Variants in OR4D1 observed in about 807,000 individuals in gnomAD.
OR4D1 encodes olfactory receptor family 4 subfamily D member 1, also known as olfactory receptor 4D1.
In OR4D1, 10 loss-of-function variants were observed where a neutral mutation model predicts 14.2. That is an observed-to-expected ratio of 0.71 (90% CI 0.44 to 1.20). OR4D1 has a LOEUF of 1.20. Ranked by LOEUF, OR4D1 falls within the 50% of genes most tolerant of loss-of-function variation. OR4D1 has a pLI of 0.00. For synonymous variants in OR4D1, 141 were observed against 147.4 expected, an observed-to-expected ratio of 0.96 and a Z score of 0.32; for missense variants, 345 against 376.6, an observed-to-expected ratio of 0.92 and a Z score of 0.70.
In OR4D1 at chr17:58,157,269, A is replaced by G; in HGVS notation, c.*1183A>G. The G allele has an allele frequency of 6.8e-7, 1 of 1,477,506 alleles. No individual in the cohort carries two copies. Among genetic ancestry groups the G allele is most frequent in the Non-Finnish European group, 9.0e-7 (1 of 1,116,970 alleles). 91.5% of individuals were successfully genotyped at this position (1,477,506 alleles called of 1,614,324 possible). A position where few individuals can be genotyped will look rare whatever the true frequency, so the allele number is the denominator to read the frequency against. On this transcript the variant is annotated 3_prime_UTR_variant, in exon 4 of 4. Coordinates refer to ENST00000268912, the MANE Select transcript of OR4D1 (RefSeq NM_001386095.1). ...GGGGCACGGCGCTCGGGAAGCGCAC[A>G]GCCCCGGGCCGCTGATCAAGCCCTT... is the stretch of plus-strand genomic sequence containing the variant.
At position 58,156,614 on chromosome 17, in the gene OR4D1, G is replaced by T; in HGVS notation, c.*528G>T. The T allele has an allele frequency of 6.2e-6, 1 of 162,064 alleles. No individual in the cohort carries two copies. The highest frequency in any genetic ancestry group is 1.3e-5 in the Non-Finnish European group (1 of 74,124). 10.0% of individuals were successfully genotyped at this position (162,064 alleles called of 1,614,324 possible). A position where few individuals can be genotyped will look rare whatever the true frequency, so the allele number is the denominator to read the frequency against. The stretch of plus-strand genomic sequence containing the variant: ...CGACAGTAGATATATTATTATTGTT[G>T]TTAAACAGTTTTACAAATGAGAAAA... On this transcript the variant is annotated 3_prime_UTR_variant, in exon 4 of 4. Transcript: ENST00000268912.
In OR4D1 at chr17:58,155,990, C is replaced by A. The variant is rs1005553547; in HGVS notation, c.837C>A (p.Thr279=). 4 of 1,465,724 alleles carry A rather than the reference C, an allele frequency of 2.7e-6. No individual in the cohort carries two copies. The highest frequency in any genetic ancestry group is 2.0e-5 in the Admixed American group (1 of 50,324). 90.8% of individuals were successfully genotyped at this position (1,465,724 alleles called of 1,614,324 possible). ...TGTCCATCAGCTACACAGTCATGAC[C>A]CCCATGCTCAACCCCATGATCTACA... ...KAVSISYTVM[T]PMLNPMIYTL... Residue 279 remains threonine (T), a synonymous_variant, in exon 4 of 4, where the codon ACC becomes ACA. Transcript: ENST00000268912.
In OR4D1 at chr17:58,155,783, G is replaced by A; in HGVS notation, c.630G>A (p.Trp210Ter). 1.2e-6 allele frequency: 2 copies of A among 1,614,136 alleles called. No individual in the cohort carries two copies. Among genetic ancestry groups the A allele is most frequent in the Non-Finnish European group, 1.7e-6 (2 of 1,180,026 alleles). Reference protein sequence around the residue: ...ISNSGLLVIIWFLLLLISYTV... With the variant: ...ISNSGLLVII ...ACAGTGGGCTGCTAGTTATCATCTG[G>A]TTCCTCCTCCTTCTGATCTCTTATA... Residue 210 changes from tryptophan to a stop codon, truncating the protein, a stop_gained, in exon 4 of 4, where the codon TGG becomes TGA. Coordinates refer to ENST00000268912, the MANE Select transcript of OR4D1 (RefSeq NM_001386095.1). LOFTEE classifies it high-confidence loss of function.
chr17:58,151,700 C>T (rs373251636), intron 2 of OR4D1, among the ~76,000 whole-genome samples: 7 of 152,344 alleles, frequency 4.6e-5, no homozygotes, highest in African/African-American at 1.7e-4. Context: ...TAGAGTTAAA[C>T]ATCCTTTTAG....
intron 3 of OR4D1, among the ~76,000 whole-genome samples, 173 bp from the exon 4 acceptor site, chr17:58,154,962 C>T (rs541614288): frequency 1.3e-5 from 2 of 152,340 alleles, no homozygotes; most frequent in South Asian, 2.1e-4. Flanking sequence ...AAGTAAGTCT[C>T]TGGAACCCTT....
At chr17:58,153,206 C>G (rs747097793) in intron 2 of OR4D1, among the ~76,000 whole-genome samples, 4 of 152,198 alleles carry the variant, frequency 2.6e-5, no homozygotes, top group Non-Finnish European at 5.9e-5. Context: ...GTTGCTGCGA[C>G]AATGCTCCAG....
At position 58,158,760 on chromosome 17, in the gene OR4D1, A is replaced by C. The variant is rs1401748297; in HGVS notation, c.*2674A>C. On this transcript the variant is annotated 3_prime_UTR_variant, in exon 4 of 4. Coordinates refer to ENST00000268912, the MANE Select transcript of OR4D1 (RefSeq NM_001386095.1). ...TCTGCTTAAAAAATGAGTACCTTGTAACCATTACCTGTATGCTAAATATTC... is the reference window on the plus strand; with the variant it reads ...TCTGCTTAAAAAATGAGTACCTTGTCACCATTACCTGTATGCTAAATATTC... 3 of 152,300 alleles carry C rather than the reference A, an allele frequency of 2.0e-5. No individual in the cohort carries two copies. The highest frequency in any genetic ancestry group is 1.3e-4 in the Admixed American group (2 of 15,278). The allele number at this position is 152,300 out of a possible 1,614,324, so 9.4% of individuals were successfully genotyped here. A position where few individuals can be genotyped will look rare whatever the true frequency, so the allele number is the denominator to read the frequency against.
rs552734270 is a variant in OR4D1 at position 58,159,541 on chromosome 17, C to A, written c.*3455C>A. ...TGTTGGAACCTTAATCTTGGACTGT[C>A]CAGCCTCCAGAACTGCAAAAGAATA... On this transcript the variant is annotated 3_prime_UTR_variant, in exon 4 of 4. Transcript: ENST00000268912. 1.1e-4 allele frequency: 17 copies of A among 152,532 alleles called. No individual in the cohort carries two copies. In the South Asian group the frequency reaches 3.4e-3, roughly 31 times the overall value. 9.4% of individuals were successfully genotyped at this position (152,532 alleles called of 1,614,324 possible). A position where few individuals can be genotyped will look rare whatever the true frequency, so the allele number is the denominator to read the frequency against.
rs1597953161 is a variant in OR4D1, at chr17:58,157,113, C to G, written c.*1027C>G. The G allele has an allele frequency of 6.8e-7, 1 of 1,470,874 alleles. No homozygotes were observed. The highest frequency in any genetic ancestry group is 2.5e-5 in the East Asian group (1 of 40,172). The allele number at this position is 1,470,874 out of a possible 1,614,324, so 91.1% of individuals were successfully genotyped here. A position where few individuals can be genotyped will look rare whatever the true frequency, so the allele number is the denominator to read the frequency against. ...CGCCGAGGCGGCCGCGGAGGAGCGC[C>G]GCGTCAAGGTCTCCAGCCTGCCCTA... On this transcript the variant is annotated 3_prime_UTR_variant, in exon 4 of 4. Transcript: ENST00000268912.
intron 2 of OR4D1, among the ~76,000 whole-genome samples, chr17:58,150,878 G>A (rs982639189): frequency 6.6e-6 from 1 of 151,744 alleles, no homozygotes; most frequent in African/African-American, 2.4e-5. Context: ...GTTGTCTTTC[G>A]CCCCGACAGT....
chr17:58,155,742 T>C lies in OR4D1; in HGVS notation c.589T>C (p.Phe197Leu). ...LACTDTSLLE[F>L]LMISNSGLLV... The stretch of plus-strand genomic sequence containing the variant: ...CTGCACTGATACCTCCCTCCTGGAG[T>C]TCCTCATGATCTCCAACAGTGGGCT... Residue 197 changes from phenylalanine (F) to leucine (L), a missense_variant, in exon 4 of 4, where the codon TTC becomes CTC. Physicochemically the swap from Phe to Leu is conservative, Grantham distance 22. Coordinates refer to ENST00000268912, the MANE Select transcript of OR4D1 (RefSeq NM_001386095.1). 1 of 1,613,786 alleles carries C rather than the reference T, an allele frequency of 6.2e-7. No individual in the cohort carries two copies. Among genetic ancestry groups the C allele is most frequent in the Non-Finnish European group, 8.5e-7 (1 of 1,179,710 alleles).
At chr17:58,154,223 G>T (rs144769308) in intron 3 of OR4D1, among the ~76,000 whole-genome samples, 291 of 149,900 alleles carry the variant, frequency 1.9e-3, no homozygotes, top group African/African-American at 6.9e-3. Flanking sequence ...GCTTCCCAAA[G>T]TAGTGGGATT....
rs190985301 is a variant in OR4D1 at position 58,158,845 on chromosome 17, C to G, written c.*2759C>G. Reference sequence around the variant, plus strand: ...TATGCTTTCTCTGTGTGTGTACCTGCTGTATATGCTAAACTTATTAGAAAA... The same window carrying G: ...TATGCTTTCTCTGTGTGTGTACCTGGTGTATATGCTAAACTTATTAGAAAA... On this transcript the variant is annotated 3_prime_UTR_variant, in exon 4 of 4. Transcript: ENST00000268912. The G allele has an allele frequency of 8.5e-5, 13 of 152,524 alleles. No individual in the cohort carries two copies. In the East Asian group the frequency reaches 2.3e-3, roughly 27 times the overall value. The allele number at this position is 152,524 out of a possible 1,614,324, so 9.4% of individuals were successfully genotyped here.
At position 58,155,697 on chromosome 17, in the gene OR4D1, C is replaced by G. The variant is rs1379272052; in HGVS notation, c.544C>G (p.Pro182Ala). 6 of 1,614,154 alleles carry G rather than the reference C, an allele frequency of 3.7e-6. No homozygotes were observed. In the South Asian group the frequency reaches 6.6e-5, roughly 18 times the overall value. ...NILDNFYCDV[P>A]QVLRLACTDT... is the part of the protein sequence containing the mutation. ...CCTAGATAACTTCTACTGTGATGTT[C>G]CCCAAGTACTGAGACTTGCCTGCAC... The change falls in exon 4 of 4, where the codon CCC becomes GCC. Residue 182 changes from proline to alanine, a missense_variant. Pro to Ala is a conservative substitution (Grantham distance 27, BLOSUM62 -1). Transcript: ENST00000268912.
At chr17:58,153,123 A>T (rs2143658478) in intron 2 of OR4D1, among the ~76,000 whole-genome samples, 1 of 152,338 alleles carries the variant, frequency 6.6e-6, no homozygotes, top group South Asian at 2.1e-4. Context: ...CTGCCCACCC[A>T]GTCTAACCTT....
Position 58,157,977 on chromosome 17 carries a change from G to C in OR4D1, c.*1891G>C. The C allele has an allele frequency of 1.8e-6, 1 of 543,460 alleles. No individual in the cohort carries two copies. Among genetic ancestry groups the C allele is most frequent in the East Asian group, 3.0e-5 (1 of 32,978 alleles). The allele number at this position is 543,460 out of a possible 1,614,324, so 33.7% of individuals were successfully genotyped here. ...ACAGCTGAAGTTTGTTCTTTAGGCG[G>C]AGGCACCAAGCCTTGTTTTCTTGGT... On this transcript the variant is annotated 3_prime_UTR_variant, in exon 4 of 4. Coordinates refer to ENST00000268912, the MANE Select transcript of OR4D1 (RefSeq NM_001386095.1).
At position 58,155,331 on chromosome 17, in the gene OR4D1, T is replaced by A. The variant is rs929237261; in HGVS notation, c.178T>A (p.Tyr60Asn). 5.0e-6 allele frequency: 8 copies of A among 1,614,072 alleles called. No individual in the cohort carries two copies. The Admixed American group carries it at 1.0e-4, about 20-fold the overall frequency. Residue 60 changes from tyrosine to asparagine, a missense_variant, in exon 4 of 4, where the codon TAT (tyrosine) becomes AAT (asparagine). Coordinates refer to ENST00000268912, the MANE Select transcript of OR4D1 (RefSeq NM_001386095.1). ...TGACTGCCGGCTCCACACACCCATG[T>A]ATTTTCTGCTCCGAAATCTAGCTCT... Reference protein sequence around the residue: ...TFDCRLHTPMYFLLRNLALID... With the variant: ...TFDCRLHTPMNFLLRNLALID...
rs1445490143 is a variant in OR4D1 at position 58,158,830 on chromosome 17, C to G, written c.*2744C>G. On this transcript the variant is annotated 3_prime_UTR_variant, in exon 4 of 4. Transcript: ENST00000268912. ...AGAAAGAAAAAAAATTATGCTTTCT[C>G]TGTGTGTGTACCTGCTGTATATGCT... 1 of 152,376 alleles carries G rather than the reference C, an allele frequency of 6.6e-6. No homozygotes were observed. The highest frequency in any genetic ancestry group is 1.5e-5 in the Non-Finnish European group (1 of 68,022). 9.4% of individuals were successfully genotyped at this position (152,376 alleles called of 1,614,324 possible).
At chr17:58,151,351 G>A (rs1331372971) in intron 2 of OR4D1, among the ~76,000 whole-genome samples, 2 of 152,090 alleles carry the variant, frequency 1.3e-5, no homozygotes, top group African/African-American at 4.8e-5. Flanking sequence ...TGCTGCACAG[G>A]TCATCCCATC....
Sources: allele counts gnomAD v4.1 joint callset (sites outside exome capture counted in the v4.1 genomes callset), GRCh38; gene constraint gnomAD v4.1.1; transcripts MANE v1.5; gene names NCBI Gene and HGNC (gene_info 2026-07-23, HGNC 2026-07-21).